Variants in FSTL4 observed in about 807,000 individuals in gnomAD.
The protein encoded by FSTL4 is follistatin like 4, also known as follistatin-related protein 4.
In FSTL4, 28 loss-of-function variants were observed where a neutral mutation model predicts 78.2. That is an observed-to-expected ratio of 0.36 (90% CI 0.27 to 0.49). The LOEUF is 0.49. Ranked by LOEUF, FSTL4 falls within the 20% of genes least tolerant of loss-of-function variation. The pLI is 0.98. For synonymous variants in FSTL4, 422 were observed against 440.5 expected (o/e 0.96, Z 0.53); for missense variants, 922 against 1,084.9 (o/e 0.85, Z 2.11).
chr5:133,452,019 C>T (rs1236005300), intron 3 of FSTL4, among the ~76,000 whole-genome samples: 2 of 152,228 alleles, frequency 1.3e-5, no homozygotes, highest in African/African-American at 4.8e-5. Context: ...TATGGTCCCT[C>T]TTCCCCCAGG....
the FSTL4 span, among the ~76,000 whole-genome samples, chr5:133,834,122 C>T: frequency 6.6e-6 from 1 of 152,198 alleles, no homozygotes; most frequent in Non-Finnish European, 1.5e-5. Context: ...GATCAAGAAC[C>T]ATTTTCCATC....
At chr5:133,500,307 C>T (rs79757398) in intron 3 of FSTL4, among the ~76,000 whole-genome samples, 4 of 152,278 alleles carry the variant, frequency 2.6e-5, no homozygotes, top group South Asian at 2.1e-4. Context: ...TGTATGCCAA[C>T]GACCCTTAGC....
the FSTL4 span, among the ~76,000 whole-genome samples, chr5:133,650,777 G>A: frequency 6.6e-6 from 1 of 152,056 alleles, no homozygotes; most frequent in Non-Finnish European, 1.5e-5. Context: ...TGGGTCTTTT[G>A]CCCCTCCATA....
intron 6 of FSTL4, among the ~76,000 whole-genome samples, chr5:133,295,336 C>T (rs959957852): frequency 6.6e-6 from 1 of 152,134 alleles, no homozygotes; most frequent in African/African-American, 2.4e-5. Flanking sequence ...CCCTGGATTC[C>T]ACCTCCCCTC....
chr5:133,704,951 G>A, the FSTL4 span, among the ~76,000 whole-genome samples: 5 of 152,258 alleles, frequency 3.3e-5, no homozygotes, highest in African/African-American at 7.2e-5. Context: ...AATTATAACT[G>A]CAGGTGACAA....
chr5:133,771,309 C>T, the FSTL4 span, among the ~76,000 whole-genome samples: 1 of 151,974 alleles, frequency 6.6e-6, no homozygotes, highest in South Asian at 2.1e-4. Flanking sequence ...TTGCTTTGGG[C>T]AGTATGGTCA....
At chr5:133,763,515 C>T in the FSTL4 span, among the ~76,000 whole-genome samples, 3 of 152,188 alleles carry the variant, frequency 2.0e-5, no homozygotes, top group African/African-American at 7.2e-5. Flanking sequence ...TGAGCCTCCT[C>T]CATGCATTTT....
chr5:133,608,360 G>C (rs1761018084), intron 1 of FSTL4, among the ~76,000 whole-genome samples: 1 of 152,184 alleles, frequency 6.6e-6, no homozygotes, highest in Non-Finnish European at 1.5e-5. Context: ...CTTCCCCTGT[G>C]GTTTCCTACC....
intron 4 of FSTL4, among the ~76,000 whole-genome samples, chr5:133,395,163 C>T (rs1458264310): frequency 6.6e-6 from 1 of 152,174 alleles, no homozygotes; most frequent in Non-Finnish European, 1.5e-5. Context: ...CCCCAGCCAG[C>T]AGTGGCAACC....
At chr5:133,483,700 G>A (rs1302404925) in intron 3 of FSTL4, among the ~76,000 whole-genome samples, 1 of 152,244 alleles carries the variant, frequency 6.6e-6, no homozygotes, top group Non-Finnish European at 1.5e-5. Context: ...GCACAGGCGG[G>A]ACATGGTAGT....
chr5:133,357,206 A>G (rs1350095369), intron 4 of FSTL4, among the ~76,000 whole-genome samples: 1 of 152,136 alleles, frequency 6.6e-6, no homozygotes, highest in Admixed American at 6.5e-5. Flanking sequence ...CTGGCCTTGG[A>G]AGAGCAACTC....
Position 133,541,018 on chromosome 5 carries a change from C to A in FSTL4, c.160+26168G>T, listed in dbSNP as rs957907430. On this transcript the variant is annotated intron_variant, in intron 3 of 15. Transcript: ENST00000265342. ...GCCCCTGCAAGCTTTCACCAGCAGTCTCAATGCCTCCTGCCACCAAAACCA... is the reference window on the plus strand; with the variant it reads ...GCCCCTGCAAGCTTTCACCAGCAGTATCAATGCCTCCTGCCACCAAAACCA... Among the ~76,000 whole-genome samples the A allele has an allele frequency of 2.6e-5, 4 of 152,142 alleles. No homozygotes were observed. The East Asian group carries it at 5.8e-4, about 22-fold the overall frequency.
intron 2 of FSTL4, among the ~76,000 whole-genome samples, chr5:133,574,392 A>G (rs1297028762): frequency 1.3e-5 from 2 of 152,252 alleles, no homozygotes; most frequent in Non-Finnish European, 2.9e-5. Context: ...CATTGGTCTG[A>G]GTCCCAGTAT....
chr5:133,816,203 C>G, the FSTL4 span, among the ~76,000 whole-genome samples: 3 of 152,284 alleles, frequency 2.0e-5, no homozygotes, highest in South Asian at 6.2e-4. Context: ...AAGTGGGCTC[C>G]CTGCAGTGAG....
At chr5:133,750,125 A>C in the FSTL4 span, among the ~76,000 whole-genome samples, 1 of 152,126 alleles carries the variant, frequency 6.6e-6, no homozygotes, top group Admixed American at 6.5e-5. Flanking sequence ...TGAGCCAAAA[A>C]ACAAGTCAGA....
At chr5:133,735,103 AGGGAGTCCCCT>A in the FSTL4 span, among the ~76,000 whole-genome samples, 1 of 152,168 alleles carries the variant, frequency 6.6e-6, no homozygotes, top group African/African-American at 2.4e-5. Flanking sequence ...ATCCATTAGA[AGGGAGTCCCCT>A]GGCAAGCCCC....
At chr5:133,676,866 G>A in the FSTL4 span, among the ~76,000 whole-genome samples, 1 of 152,144 alleles carries the variant, frequency 6.6e-6, no homozygotes, top group African/African-American at 2.4e-5. Flanking sequence ...TCTGTATTCT[G>A]TTGAGTCTTT....
intron 6 of FSTL4, among the ~76,000 whole-genome samples, chr5:133,301,107 C>G (rs1285589039): frequency 3.3e-5 from 5 of 152,210 alleles, no homozygotes; most frequent in African/African-American, 9.6e-5. Flanking sequence ...TGCCGCAGCA[C>G]AGGTGAACAG....
chr5:133,277,448 C>T (rs1382594656), intron 6 of FSTL4, among the ~76,000 whole-genome samples: 1 of 152,202 alleles, frequency 6.6e-6, no homozygotes, highest in Non-Finnish European at 1.5e-5. Flanking sequence ...AGTGGTTGCA[C>T]AGCATGCTCT....
Sources: allele counts gnomAD v4.1 joint callset (sites outside exome capture counted in the v4.1 genomes callset), GRCh38; gene constraint gnomAD v4.1.1; transcripts MANE v1.5; gene names NCBI Gene and HGNC (gene_info 2026-07-23, HGNC 2026-07-21).